CRMP1: variants seen among roughly 807,000 people sequenced by gnomAD.
CRMP1 encodes the protein collapsin response mediator protein 1.
A neutral mutation model predicts 68.3 loss-of-function variants in CRMP1; 19 were observed. That is an observed-to-expected ratio of 0.28 (90% confidence interval 0.19 to 0.41). The LOEUF (loss-of-function observed/expected upper bound fraction) is 0.41. Among genes scored for constraint, CRMP1 ranks in the 10% least tolerant of loss-of-function variants. The pLI is 1.00. For synonymous variants in CRMP1, 439 were observed against 399.6 expected, an observed-to-expected ratio of 1.10 and a Z score of -1.18; for missense variants, 791 against 967.4, an observed-to-expected ratio of 0.82 and a Z score of 2.42.
At position 5,828,607 on chromosome 4, in the gene CRMP1, C is replaced by T; in HGVS notation, c.1685G>A (p.Ser562Asn). 1 of 1,614,216 alleles carries T rather than the reference C, an allele frequency of 6.2e-7. No individual in the cohort carries two copies. The highest frequency in any genetic ancestry group is 8.5e-7 in the Non-Finnish European group (1 of 1,180,036). Reference sequence around the variant, plus strand: ...GTCTTCAAAGACGATCTTGCCCTGGCTGATGACCACTAGTGGGGAGCCGTG... The same window carrying T: ...GTCTTCAAAGACGATCTTGCCCTGGTTGATGACCACTAGTGGGGAGCCGTG... The part of the protein sequence containing the change: ...ECHGSPLVVI[S>N]QGKIVFEDGN... The change falls in exon 12 of 14, where the codon AGC (serine) becomes AAC (asparagine). Residue 562 changes from serine (S) to asparagine (N), a missense_variant. Ser to Asn is a conservative substitution (Grantham distance 46). Coordinates refer to ENST00000324989, the MANE Select transcript of CRMP1 (RefSeq NM_001014809.3).
chr4:5,884,404 C>T (rs1287913376), intron 1 of CRMP1, among the ~76,000 whole-genome samples: 1 of 152,032 alleles, frequency 6.6e-6, no homozygotes, highest in Non-Finnish European at 1.5e-5. Flanking sequence ...CCCACACCCA[C>T]ACACAAACAC....
In CRMP1 at chr4:5,825,949, T is replaced by TGCATGCACATGCAGTCATGCACACAC. The variant is rs1560478709; in HGVS notation, c.1804-291_1804-290insGTGTGTGCATGACTGCATGTGCATGC. 3 of 448,394 alleles carry TGCATGCACATGCAGTCATGCACACAC rather than the reference T, an allele frequency of 6.7e-6. No homozygotes were observed. The highest frequency in any genetic ancestry group is 4.6e-5 in the Admixed American group (1 of 21,654). The allele number at this position is 448,394 out of a possible 1,614,324, so 27.8% of individuals were successfully genotyped here. ...TCACATACATGCAGTCATGCACACA[T>TGCATGCACATGCAGTCATGCACACAC]ATATGCATGCACATGCAGTAACAAA... On this transcript the variant is annotated intron_variant, in intron 12 of 13. Transcript: ENST00000324989. The surrounding 1 kb of genome is among the most constrained non-coding windows in gnomAD (Gnocchi z 4.4).
intron 2 of CRMP1, among the ~76,000 whole-genome samples, chr4:5,863,884 C>G (rs551398132): frequency 6.6e-6 from 1 of 152,156 alleles, no homozygotes; most frequent in Non-Finnish European, 1.5e-5. Context: ...GCAGGATGCA[C>G]GTTCAGAATA....
In CRMP1 at chr4:5,833,234, T is replaced by G. The variant is rs1235706747; in HGVS notation, c.1623+2681A>C. On this transcript the variant is annotated intron_variant, in intron 11 of 13. Coordinates refer to ENST00000324989, the MANE Select transcript of CRMP1 (RefSeq NM_001014809.3). ...CAGGCTGGAGTGCAGTGGTGGGATC[T>G]CGGCTCACCGCAAGCTCCGCCTCCC... Among the ~76,000 whole-genome samples the G allele has an allele frequency of 2.4e-5, 2 of 84,338 alleles. 1 individual carries two copies. Among genetic ancestry groups the G allele is most frequent in the Non-Finnish European group, 5.0e-5 (2 of 39,742 alleles). The allele number at this position is 84,338 out of a possible 152,430, so 55.3% of individuals were successfully genotyped here. A position where few individuals can be genotyped will look rare whatever the true frequency, so the allele number is the denominator to read the frequency against.
rs528545033 is a variant in CRMP1, at chr4:5,879,868, G to A, written c.381+12721C>T. ...AATAAAATATAGCAAAAAAAAAAAT[G>A]AGACGAAAGGAAAGGAAAATGAAAG... is the stretch of plus-strand genomic sequence containing the variant. On this transcript the variant is annotated intron_variant, in intron 1 of 13. Coordinates refer to ENST00000324989, the MANE Select transcript of CRMP1 (RefSeq NM_001014809.3). The surrounding 1 kb of genome is among the most constrained non-coding windows in gnomAD (Gnocchi z 4.2). Among the ~76,000 whole-genome samples, 1 of 150,288 alleles carries A rather than the reference G, an allele frequency of 6.7e-6. No individual in the cohort carries two copies. Among genetic ancestry groups the A allele is most frequent in the African/African-American group, 2.5e-5 (1 of 40,790 alleles).
In CRMP1 at chr4:5,858,757, C is replaced by T. The variant is rs1025149600; in HGVS notation, c.655+2269G>A. Among the ~76,000 whole-genome samples, 1 of 152,196 alleles carries T rather than the reference C, an allele frequency of 6.6e-6. No individual in the cohort carries two copies. The highest frequency in any genetic ancestry group is 1.5e-5 in the Non-Finnish European group (1 of 68,038). ...CCCATATGAGAAAGAGCCACAGCCTCATCAGGCCATCGAGGCCCAGGGTTG... is the reference window on the plus strand; with the variant it reads ...CCCATATGAGAAAGAGCCACAGCCTTATCAGGCCATCGAGGCCCAGGGTTG... On this transcript the variant is annotated intron_variant, in intron 3 of 13. Transcript: ENST00000324989. The surrounding 1 kb of genome is among the most constrained non-coding windows in gnomAD (Gnocchi z 5.5).
Position 5,865,898 on chromosome 4 carries a change from T to G in CRMP1, c.470+770A>C, listed in dbSNP as rs1398457184. On this transcript the variant is annotated intron_variant, in intron 2 of 13. Coordinates refer to ENST00000324989, the MANE Select transcript of CRMP1 (RefSeq NM_001014809.3). The surrounding 1 kb of genome is among the most constrained non-coding windows in gnomAD (Gnocchi z 4.1). ...CCCTGTGAGGACAGCCAGAAGGTGG[T>G]GTCTGCAAGCCAGAAGGTGGTGTCT... is the stretch of plus-strand genomic sequence containing the variant. Among the ~76,000 whole-genome samples, 1 of 151,932 alleles carries G rather than the reference T, an allele frequency of 6.6e-6. No individual in the cohort carries two copies.
rs540860950 is a variant in CRMP1, at chr4:5,872,177, T to A, written c.382-5421A>T. On this transcript the variant is annotated intron_variant, in intron 1 of 13. Coordinates refer to ENST00000324989, the MANE Select transcript of CRMP1 (RefSeq NM_001014809.3). The surrounding 1 kb of genome is among the most constrained non-coding windows in gnomAD (Gnocchi z 4.6). ...AGTAATAAGATCAACGGGCCTTGCC[T>A]TCTAAGGCTGCCTTTCTCATGCAGG... Among the ~76,000 whole-genome samples the A allele has an allele frequency of 6.6e-6, 1 of 152,136 alleles. No homozygotes were observed. Among genetic ancestry groups the A allele is most frequent in the Non-Finnish European group, 1.5e-5 (1 of 67,978 alleles).
At chr4:5,831,762 T>C (rs1720395859) in intron 11 of CRMP1, among the ~76,000 whole-genome samples, 1 of 152,222 alleles carries the variant, frequency 6.6e-6, no homozygotes, top group Non-Finnish European at 1.5e-5. Context: ...ACAAGAACAC[T>C]GAATTGTAAA....
intron 6 of CRMP1, among the ~76,000 whole-genome samples, chr4:5,847,846 TGTGA>T (rs1268473445): frequency 6.6e-6 from 1 of 152,216 alleles, no homozygotes; most frequent in East Asian, 1.9e-4. Flanking sequence ...ACGGAGTAGT[TGTGA>T]GTATCAATAT....
At chr4:5,849,679 A>T (rs2152462549) in intron 5 of CRMP1, among the ~76,000 whole-genome samples, 1 of 152,274 alleles carries the variant, frequency 6.6e-6, no homozygotes, top group East Asian at 1.9e-4. Flanking sequence ...CAGACCCAAA[A>T]GCAGGAAGCT....
At position 5,883,609 on chromosome 4, in the gene CRMP1, T is replaced by C. The variant is rs1715368116; in HGVS notation, c.381+8980A>G. Among the ~76,000 whole-genome samples the C allele has an allele frequency of 6.6e-6, 1 of 152,026 alleles. No individual in the cohort carries two copies. Among genetic ancestry groups the C allele is most frequent in the Non-Finnish European group, 1.5e-5 (1 of 68,016 alleles). On this transcript the variant is annotated intron_variant, in intron 1 of 13. Transcript: ENST00000324989. The surrounding 1 kb of genome is among the most constrained non-coding windows in gnomAD (Gnocchi z 4.5). ...CTTTAGTCTTTCTTAAGTTGTTTTATGTGCATGCACTTTGTCACTTAGATG... is the reference window on the plus strand; with the variant it reads ...CTTTAGTCTTTCTTAAGTTGTTTTACGTGCATGCACTTTGTCACTTAGATG...
Position 5,824,837 on chromosome 4 carries a change from G to T in CRMP1, c.1969+657C>A, listed in dbSNP as rs886376364. ...CCAGTTCAACTTTCTCAACGTGTGC[G>T]TGCCTGCCCTCATGTGGCCATCTCA... On this transcript the variant is annotated intron_variant, in intron 13 of 13. Transcript: ENST00000324989. 5.1e-6 allele frequency: 5 copies of T among 985,230 alleles called. No homozygotes were observed. The African/African-American group carries it at 7.0e-5, about 14-fold the overall frequency. 61.0% of individuals were successfully genotyped at this position (985,230 alleles called of 1,614,324 possible).
rs1214567906 is a variant in CRMP1 at position 5,892,605 on chromosome 4, C to G, written c.365G>C (p.Gly122Ala). 2 of 1,185,860 alleles carry G rather than the reference C, an allele frequency of 1.7e-6. No homozygotes were observed. The highest frequency in any genetic ancestry group is 2.1e-6 in the Non-Finnish European group (2 of 958,348). The allele number at this position is 1,185,860 out of a possible 1,614,324, so 73.5% of individuals were successfully genotyped here. A position where few individuals can be genotyped will look rare whatever the true frequency, so the allele number is the denominator to read the frequency against. Reference protein sequence around the residue: ...RRPAPRDLPLGRDNGQSDRLL... With the variant: ...RRPAPRDLPLARDNGQSDRLL... Reference sequence around the variant, plus strand: ...CGAGGGTACCTGGCCATTGTCCCGGCCGAGGGGCAGGTCGCGGGGCGCGGG... The same window carrying G: ...CGAGGGTACCTGGCCATTGTCCCGGGCGAGGGGCAGGTCGCGGGGCGCGGG... The change falls in exon 1 of 14, where the codon GGC (glycine) becomes GCC (alanine). Residue 122 changes from glycine (G) to alanine (A), a missense_variant. Coordinates refer to ENST00000324989, the MANE Select transcript of CRMP1 (RefSeq NM_001014809.3). This position sits in a 1 kb window ranked among gnomAD's most constrained non-coding sequence, Gnocchi z 8.6.
chr4:5,839,772 G>C, intron 8 of CRMP1, 94 bp from the exon 9 acceptor site: 2 of 1,387,314 alleles, frequency 1.4e-6, no homozygotes, highest in Non-Finnish European at 1.9e-6. Flanking sequence ...GAGGGAGAAC[G>C]GGGCTGGCTG....
At position 5,870,869 on chromosome 4, in the gene CRMP1, G is replaced by A. The variant is rs565303466; in HGVS notation, c.382-4113C>T. Among the ~76,000 whole-genome samples, 11 of 152,236 alleles carry A rather than the reference G, an allele frequency of 7.2e-5. No homozygotes were observed. Among genetic ancestry groups the A allele is most frequent in the South Asian group, 2.1e-4 (1 of 4,814 alleles). The stretch of plus-strand genomic sequence containing the variant: ...GTCCAGGAAGCACCCACAAGCTGGC[G>A]TGCATGTTTCCCCGGCTCCAGAACA... On this transcript the variant is annotated intron_variant, in intron 1 of 13. Coordinates refer to ENST00000324989, the MANE Select transcript of CRMP1 (RefSeq NM_001014809.3). The surrounding 1 kb of genome is among the most constrained non-coding windows in gnomAD (Gnocchi z 6.0).
rs1171821822 is a variant in CRMP1 at position 5,828,782 on chromosome 4, T to TC, written c.1624-115dup. ...ATAAGCGTGTTCCAATGTTTTTTTT[T>TC]CTCTCTAAAAATACCTTTTATTGAC... On this transcript the variant is annotated intron_variant, in intron 11 of 13. Coordinates refer to ENST00000324989, the MANE Select transcript of CRMP1 (RefSeq NM_001014809.3). 9 of 1,287,308 alleles carry TC rather than the reference T, an allele frequency of 7.0e-6. No homozygotes were observed. The Admixed American group carries it at 2.4e-4, about 35-fold the overall frequency. The allele number at this position is 1,287,308 out of a possible 1,614,324, so 79.7% of individuals were successfully genotyped here. A position where few individuals can be genotyped will look rare whatever the true frequency, so the allele number is the denominator to read the frequency against.
In CRMP1 at chr4:5,870,276, T is replaced by C. The variant is rs1025429186; in HGVS notation, c.382-3520A>G. 2.0e-5 allele frequency among the ~76,000 whole-genome samples: 3 copies of C among 152,210 alleles called. No homozygotes were observed. Among genetic ancestry groups the C allele is most frequent in the Non-Finnish European group, 4.4e-5 (3 of 68,026 alleles). Reference sequence around the variant, plus strand: ...ACCCTGCCAGCTGGCCCTACATCCCTTACCCGTTTATGTATTCACAGTATT... The same window carrying C: ...ACCCTGCCAGCTGGCCCTACATCCCCTACCCGTTTATGTATTCACAGTATT... On this transcript the variant is annotated intron_variant, in intron 1 of 13. Coordinates refer to ENST00000324989, the MANE Select transcript of CRMP1 (RefSeq NM_001014809.3). The surrounding 1 kb of genome is among the most constrained non-coding windows in gnomAD (Gnocchi z 6.0).
rs201690844 is a variant in CRMP1 at position 5,890,227 on chromosome 4, A to AAAGCCCT, written c.381+2361_381+2362insAGGGCTT. On this transcript the variant is annotated intron_variant, in intron 1 of 13. Transcript: ENST00000324989. The surrounding 1 kb of genome is among the most constrained non-coding windows in gnomAD (Gnocchi z 5.5). Reference sequence around the variant, plus strand: ...GGGGTCAGTCTGGAGATCTGAGCAGAAAGCCCCTACAGCAAGGGACAAGAC... The same window carrying AAAGCCCT: ...GGGGTCAGTCTGGAGATCTGAGCAGAAAGCCCTAAGCCCCTACAGCAAGGGACAAGAC... The AAAGCCCT allele has an allele frequency of 0.012, 1,949 of 158,830 alleles. 12 individuals carry two copies. The highest frequency in any genetic ancestry group is 0.03 in the Middle Eastern group (9 of 300). The allele number at this position is 158,830 out of a possible 1,614,324, so 9.8% of individuals were successfully genotyped here.
Sources: allele counts gnomAD v4.1 joint callset (sites outside exome capture counted in the v4.1 genomes callset), GRCh38; gene constraint gnomAD v4.1.1; non-coding constraint Gnocchi (gnomAD v3.1); transcripts MANE v1.5; gene names NCBI Gene and HGNC (gene_info 2026-07-23, HGNC 2026-07-21).